ZRANB3: variants seen among roughly 807,000 people sequenced by gnomAD.
ZRANB3 encodes the protein zinc finger RANBP2-type containing 3.
ZRANB3 carries 125 observed loss-of-function variants against 133.8 expected under a neutral mutation model. The observed-to-expected ratio is 0.93, with a 90% CI of 0.81 to 1.08. The LOEUF (loss-of-function observed/expected upper bound fraction) is 1.08. Ranked by LOEUF, ZRANB3 falls within the 50% of genes least tolerant of loss-of-function variation. The pLI, the probability that ZRANB3 is intolerant of heterozygous loss-of-function variation, is 0.00. For synonymous variants in ZRANB3, 387 were observed against 432.7 expected (o/e 0.89, Z 1.31); for missense variants, 1,229 against 1,275.5 (o/e 0.96, Z 0.56).
chr2:135,431,994 T>C (rs771470689), intron 2 of ZRANB3, among the ~76,000 whole-genome samples: 13 of 152,202 alleles, frequency 8.5e-5, no homozygotes, highest in Non-Finnish European at 1.5e-4. Context: ...CTCATGCCTG[T>C]AATCCCAGCA....
intron 12 of ZRANB3, among the ~76,000 whole-genome samples, chr2:135,249,425 A>G (rs566629363): frequency 6.6e-6 from 1 of 152,386 alleles, no homozygotes; most frequent in Admixed American, 6.5e-5. Flanking sequence ...ATAAAAAAGA[A>G]TGATATAACG....
At chr2:135,345,786 AAC>A (rs2104866738) in intron 5 of ZRANB3, among the ~76,000 whole-genome samples, 151 bp from the exon 6 acceptor site, 1 of 152,292 alleles carries the variant, frequency 6.6e-6, no homozygotes, top group Admixed American at 6.5e-5. Flanking sequence ...CATCAGGGAT[AAC>A]CGTTATCTGT....
At chr2:135,376,540 C>T (rs919352558) in intron 3 of ZRANB3, among the ~76,000 whole-genome samples, 1 of 152,174 alleles carries the variant, frequency 6.6e-6, no homozygotes, top group Non-Finnish European at 1.5e-5. Flanking sequence ...TACAAAAAGA[C>T]ACGGATGAAT....
At position 135,440,667 on chromosome 2, in the gene ZRANB3, A is replaced by AT. The variant is rs200655989; in HGVS notation, c.162-49848dup. On this transcript the variant is annotated intron_variant, in intron 2 of 20. Transcript: ENST00000264159. ...ACAAAAAGAAGGAGCTTGGAAACAG[A>AT]TTTTTTCCATGGATCCTCCAGATGA... 8.5e-5 allele frequency among the ~76,000 whole-genome samples: 13 copies of AT among 152,222 alleles called. No individual in the cohort carries two copies. In the East Asian group the frequency reaches 2.5e-3, roughly 29 times the overall value.
At chr2:135,322,457 T>A (rs1683574872) in intron 6 of ZRANB3, among the ~76,000 whole-genome samples, 1 of 152,110 alleles carries the variant, frequency 6.6e-6, no homozygotes, top group Non-Finnish European at 1.5e-5. Flanking sequence ...GGCTCATGCC[T>A]GTAATCCCAA....
intron 3 of ZRANB3, among the ~76,000 whole-genome samples, chr2:135,356,528 C>T (rs1281783249): frequency 6.6e-6 from 1 of 152,074 alleles, no homozygotes; most frequent in East Asian, 1.9e-4. Context: ...TCCTGATATG[C>T]TGGGAAGTTT....
At chr2:135,215,616 A>G (rs942343754) in intron 17 of ZRANB3, among the ~76,000 whole-genome samples, 3 of 152,182 alleles carry the variant, frequency 2.0e-5, no homozygotes, top group Admixed American at 6.5e-5. Flanking sequence ...AGTTTGACAT[A>G]GTCTCAGCCC....
At chr2:135,489,716 G>A (rs978320188) in intron 2 of ZRANB3, among the ~76,000 whole-genome samples, 1 of 151,088 alleles carries the variant, frequency 6.6e-6, no homozygotes, top group African/African-American at 2.4e-5. Flanking sequence ...AAATAGGAAA[G>A]TACACACAGG....
intron 3 of ZRANB3, among the ~76,000 whole-genome samples, chr2:135,361,845 T>C (rs1171240150): frequency 6.6e-6 from 1 of 152,194 alleles, no homozygotes; most frequent in Non-Finnish European, 1.5e-5. Flanking sequence ...TCTTGTACAT[T>C]GTTAGTGCTA....
At chr2:135,219,703 T>G (rs915830799) in intron 15 of ZRANB3, among the ~76,000 whole-genome samples, 1 of 152,084 alleles carries the variant, frequency 6.6e-6, no homozygotes, top group African/African-American at 2.4e-5. Flanking sequence ...AACAAGGAAG[T>G]AAAGAGAAGG....
chr2:135,397,805 C>T (rs1246198579), intron 2 of ZRANB3, among the ~76,000 whole-genome samples: 1 of 152,134 alleles, frequency 6.6e-6, no homozygotes, highest in East Asian at 1.9e-4. Flanking sequence ...CAGTATTCTG[C>T]TGCTTTTACA....
At chr2:135,287,755 A>G (rs970968805) in intron 8 of ZRANB3, among the ~76,000 whole-genome samples, 1 of 146,430 alleles carries the variant, frequency 6.8e-6, no homozygotes, top group Admixed American at 7.2e-5. Context: ...AGTGTATAGC[A>G]ATGTTACTGA....
intron 2 of ZRANB3, among the ~76,000 whole-genome samples, chr2:135,484,776 G>A (rs1057058244): frequency 1.3e-5 from 2 of 151,544 alleles, no homozygotes; most frequent in African/African-American, 4.8e-5. Flanking sequence ...GCTCACACCT[G>A]TAATCCCAGC....
At chr2:135,326,481 T>A (rs2104840769) in intron 6 of ZRANB3, among the ~76,000 whole-genome samples, 1 of 152,282 alleles carries the variant, frequency 6.6e-6, no homozygotes, top group South Asian at 2.1e-4. Flanking sequence ...TTTTTTAAAT[T>A]TTACTTTTAG....
At chr2:135,400,178 T>C (rs1302885278) in intron 2 of ZRANB3, among the ~76,000 whole-genome samples, 2 of 151,860 alleles carry the variant, frequency 1.3e-5, no homozygotes, top group Admixed American at 6.6e-5. Flanking sequence ...AGGAAGAAGT[T>C]GCCGTGAGCC....
At chr2:135,492,632 TA>T (rs1342310390) in intron 2 of ZRANB3, among the ~76,000 whole-genome samples, 1 of 152,004 alleles carries the variant, frequency 6.6e-6, no homozygotes, top group Non-Finnish European at 1.5e-5. Context: ...GAAGAAAAAG[TA>T]AAGGTAATTT....
intron 1 of ZRANB3, among the ~76,000 whole-genome samples, chr2:135,515,000 T>G (rs1693641589): frequency 6.6e-6 from 1 of 152,214 alleles, no homozygotes; most frequent in Non-Finnish European, 1.5e-5. Context: ...TTGATCTTGG[T>G]GGATAAGCTT....
intron 6 of ZRANB3, among the ~76,000 whole-genome samples, chr2:135,322,089 A>T (rs763462718): frequency 9.2e-5 from 14 of 152,128 alleles, no homozygotes; most frequent in Non-Finnish European, 1.9e-4. Flanking sequence ...TTCTTTTCAC[A>T]TATGGATGTC....
At chr2:135,251,586 A>T (rs1415781448) in intron 12 of ZRANB3, among the ~76,000 whole-genome samples, 2 of 152,094 alleles carry the variant, frequency 1.3e-5, no homozygotes, top group African/African-American at 2.4e-5. Flanking sequence ...TATTCTTGTG[A>T]TAGTGAATAA....
Sources: gnomAD v4.1 joint callset for allele counts (sites outside exome capture counted in the v4.1 genomes callset) on GRCh38, gnomAD v4.1.1 for gene constraint, MANE v1.5 for transcripts, NCBI Gene and HGNC (gene_info 2026-07-23, HGNC 2026-07-21) for gene names.